The following ZNF385C variants were observed in gnomAD, a reference collection of about 807,000 sequenced individuals.
ZNF385C encodes the protein zinc finger protein 385C.
A neutral mutation model predicts 35.4 loss-of-function variants in ZNF385C; 28 were observed. The observed-to-expected ratio is 0.79, with a 90% CI of 0.59 to 1.08. The LOEUF is 1.08. Among genes scored for constraint, ZNF385C ranks in the 50% least tolerant of loss-of-function variants. ZNF385C has a pLI of 0.00. For missense variants in ZNF385C, 605 were observed against 595.6 expected, an observed-to-expected ratio of 1.02 and a Z score of -0.16; for synonymous variants, 248 against 248.2, an observed-to-expected ratio of 1.00 and a Z score of 0.01.
chr17:42,086,806 C>T, intron 1 of ZNF385C, among the ~76,000 whole-genome samples: 1 of 150,356 alleles, frequency 6.7e-6, no homozygotes. Flanking sequence ...ATGTTTTTTC[C>T]CATATGTAAC....
intron 2 of ZNF385C, among the ~76,000 whole-genome samples, chr17:42,046,523 C>G (rs2053164399): frequency 6.6e-6 from 1 of 151,972 alleles, no homozygotes; most frequent in Non-Finnish European, 1.5e-5. Context: ...TCACTTGAGC[C>G]CAGGAGTTCA....
At chr17:42,057,791 A>G (rs782616153) in intron 2 of ZNF385C, among the ~76,000 whole-genome samples, 3 of 152,030 alleles carry the variant, frequency 2.0e-5, no homozygotes, top group Non-Finnish European at 4.4e-5. Flanking sequence ...TAAAAATACA[A>G]TATTAGCCGG....
chr17:42,066,787 G>A (rs1428245503), intron 1 of ZNF385C, among the ~76,000 whole-genome samples: 1 of 152,150 alleles, frequency 6.6e-6, no homozygotes, highest in African/African-American at 2.4e-5. Flanking sequence ...AGGTGAAATT[G>A]ACTGGGCGCA....
chr17:42,049,702 G>A (rs2053244153), intron 2 of ZNF385C, among the ~76,000 whole-genome samples: 1 of 152,232 alleles, frequency 6.6e-6, no homozygotes, highest in Non-Finnish European at 1.5e-5. Context: ...TCCTTTCCAT[G>A]TACATCGAAG....
rs148813210 is a variant in ZNF385C, at chr17:42,033,166, C to T, written c.510+1059G>A. ...TTGAAACATGGGAAAGACAGGCCCCCATGGCCCCTCCCTGGATGCTATACC... is the reference window on the plus strand; with the variant it reads ...TTGAAACATGGGAAAGACAGGCCCCTATGGCCCCTCCCTGGATGCTATACC... On this transcript the variant is annotated intron_variant, in intron 4 of 8. Coordinates refer to ENST00000692273, the MANE Select transcript of ZNF385C (RefSeq NM_001392013.1). 1.6e-3 allele frequency among the ~76,000 whole-genome samples: 247 copies of T among 152,340 alleles called. 2 individuals are homozygous for T. Among genetic ancestry groups the T allele is most frequent in the African/African-American group, 5.5e-3 (227 of 41,574 alleles).
intron 2 of ZNF385C, among the ~76,000 whole-genome samples, chr17:42,047,215 G>T (rs1446483045): frequency 6.6e-6 from 1 of 152,074 alleles, no homozygotes; most frequent in Non-Finnish European, 1.5e-5. Context: ...TGTATTTTTA[G>T]TAGAGACAGG....
intron 1 of ZNF385C, among the ~76,000 whole-genome samples, chr17:42,098,208 G>A (rs1421291710): frequency 6.6e-6 from 1 of 152,236 alleles, no homozygotes; most frequent in Non-Finnish European, 1.5e-5. Context: ...AACCAGCCAG[G>A]ACCCTCTAAC....
chr17:42,047,648 C>G (rs2053194506), intron 2 of ZNF385C, among the ~76,000 whole-genome samples: 1 of 151,726 alleles, frequency 6.6e-6, no homozygotes, highest in African/African-American at 2.4e-5. Flanking sequence ...TCTTGGCCCT[C>G]TTCCTTGGGA....
At chr17:42,097,049 T>A (rs922091537) in intron 1 of ZNF385C, among the ~76,000 whole-genome samples, 1 of 151,310 alleles carries the variant, frequency 6.6e-6, no homozygotes, top group Non-Finnish European at 1.5e-5. Context: ...TCGGCTTTGC[T>A]GTCCCACACA....
rs1555654282 is a variant in ZNF385C, at chr17:42,027,063, G to A, written c.1346C>T (p.Thr449Ile). 1.2e-6 allele frequency: 2 copies of A among 1,610,394 alleles called. No individual in the cohort carries two copies. The highest frequency in any genetic ancestry group is 1.7e-5 in the Admixed American group (1 of 59,622). The change falls in exon 9 of 9, where the codon ACC becomes ATC. Residue 449 changes from threonine to isoleucine, a missense_variant. Coordinates refer to ENST00000692273, the MANE Select transcript of ZNF385C (RefSeq NM_001392013.1). ...CAGAGCACAGATGGCAGTGGCTGCG[G>A]TGGGGAGCGGGCTGGGCAGGAAGCG... ...AARFLPSPLP[T>I]AATAICALPG...
chr17:42,067,683 C>A (rs1032033483), intron 1 of ZNF385C, among the ~76,000 whole-genome samples: 10 of 152,248 alleles, frequency 6.6e-5, no homozygotes, highest in African/African-American at 2.4e-4. Context: ...ATATTTTGCA[C>A]CTTCTCACCT....
At chr17:42,030,089 G>C (rs1476983485) in intron 5 of ZNF385C, among the ~76,000 whole-genome samples, 17 of 152,040 alleles carry the variant, frequency 1.1e-4, no homozygotes, top group Admixed American at 1.1e-3. Context: ...ATCCACGGTG[G>C]AGTACTACAC....
intron 5 of ZNF385C, 140 bp downstream of exon 5, chr17:42,031,479 C>T (rs530879929): frequency 1.6e-5 from 17 of 1,088,294 alleles, no homozygotes; most frequent in East Asian, 1.3e-4. Flanking sequence ...AAATTCATGG[C>T]GTGGTACACT....
At chr17:42,043,493 G>A (rs2053077830) in intron 2 of ZNF385C, 2 of 902,576 alleles carry the variant, frequency 2.2e-6, no homozygotes. Flanking sequence ...CAGGCTGGGG[G>A]CAGCCCGCCA....
intron 2 of ZNF385C, among the ~76,000 whole-genome samples, chr17:42,056,801 C>T (rs1326922982): frequency 1.3e-5 from 2 of 152,116 alleles, no homozygotes; most frequent in African/African-American, 4.8e-5. Flanking sequence ...TTTTGTCTGC[C>T]ACCATGTGAG....
intron 2 of ZNF385C, among the ~76,000 whole-genome samples, chr17:42,056,740 C>T (rs908546915): frequency 6.6e-6 from 1 of 152,112 alleles, no homozygotes; most frequent in Non-Finnish European, 1.5e-5. Flanking sequence ...AAAAGTCTCA[C>T]GAGATCTGAT....
intron 2 of ZNF385C, chr17:42,038,294 C>A (rs941708402): frequency 9.5e-6 from 5 of 525,276 alleles, no homozygotes; most frequent in African/African-American, 7.8e-5. Flanking sequence ...TAGGAAAAGG[C>A]TAGCCCTCGC....
chr17:42,070,852 C>T (rs1330631373), intron 1 of ZNF385C, among the ~76,000 whole-genome samples: 4 of 152,234 alleles, frequency 2.6e-5, no homozygotes, highest in Non-Finnish European at 5.9e-5. Context: ...TGGGTACCCG[C>T]TGAGTGTCCC....
At chr17:42,072,592 G>A (rs1486884252) in intron 1 of ZNF385C, among the ~76,000 whole-genome samples, 1 of 151,976 alleles carries the variant, frequency 6.6e-6, no homozygotes, top group African/African-American at 2.4e-5. Context: ...ACCCGGCTGC[G>A]TCCAGCCGCT....
Sources: allele counts gnomAD v4.1 joint callset (sites outside exome capture counted in the v4.1 genomes callset), GRCh38; gene constraint gnomAD v4.1.1; transcripts MANE v1.5; gene names NCBI Gene and HGNC (gene_info 2026-07-23, HGNC 2026-07-21).